DLG2: variants seen among roughly 807,000 people sequenced by gnomAD.
The protein encoded by DLG2 is disks large homolog 2.
DLG2 carries 45 observed loss-of-function variants against 132.5 expected under a neutral mutation model. The ratio of observed to expected loss-of-function variants is 0.34; its 90% CI spans 0.27 to 0.44. The LOEUF is 0.44. Ranked by LOEUF, DLG2 falls within the 20% of genes least tolerant of loss-of-function variation. The pLI, the probability that DLG2 is intolerant of heterozygous loss-of-function variation, is 1.00. For missense variants in DLG2, 1,045 were observed against 1,196.9 expected (o/e 0.87, Z 1.87); for synonymous variants, 424 against 419.6 (o/e 1.01, Z -0.13).
intron 4 of DLG2, among the ~76,000 whole-genome samples, chr11:85,229,378 CAT>C (rs1202702086): frequency 3.3e-5 from 5 of 151,982 alleles, no homozygotes; most frequent in African/African-American, 7.2e-5. Context: ...GGCCAACAAA[CAT>C]ATGAAAAAAA....
At chr11:84,634,377 T>A (rs1202190790) in intron 6 of DLG2, among the ~76,000 whole-genome samples, 2 of 152,210 alleles carry the variant, frequency 1.3e-5, no homozygotes, top group Admixed American at 6.5e-5. Context: ...TTTAAGTTCA[T>A]GCTAAAGATT....
rs138336303 is a variant in DLG2 at position 84,383,513 on chromosome 11, A to G, written c.520-132222T>C. Reference sequence around the variant, plus strand: ...CATGCCCATGATTACCTTACATTATATAAGACACACTTCTTAGAAGATTGG... The same window carrying G: ...CATGCCCATGATTACCTTACATTATGTAAGACACACTTCTTAGAAGATTGG... On this transcript the variant is annotated intron_variant, in intron 7 of 27. Coordinates refer to ENST00000376104, the MANE Select transcript of DLG2 (RefSeq NM_001142699.3). 2.1e-3 allele frequency among the ~76,000 whole-genome samples: 314 copies of G among 152,210 alleles called. 1 individual carries two copies. Among genetic ancestry groups the G allele is most frequent in the African/African-American group, 7.3e-3 (302 of 41,552 alleles).
chr11:84,357,540 G>A (rs2098623549), intron 7 of DLG2, among the ~76,000 whole-genome samples: 1 of 152,006 alleles, frequency 6.6e-6, no homozygotes. Flanking sequence ...GGCAGTGCTT[G>A]TGTCCCCAAG....
chr11:83,658,150 A>T (rs1470319143), intron 18 of DLG2, among the ~76,000 whole-genome samples: 5 of 152,188 alleles, frequency 3.3e-5, no homozygotes, highest in Non-Finnish European at 7.4e-5. Context: ...CAGCCTCATA[A>T]TGTTCCCTGA....
At chr11:84,914,049 T>C (rs1369383774) in intron 6 of DLG2, among the ~76,000 whole-genome samples, 2 of 152,204 alleles carry the variant, frequency 1.3e-5, no homozygotes, top group Non-Finnish European at 2.9e-5. Flanking sequence ...AATTAGACAC[T>C]TTTAAAATAA....
intron 7 of DLG2, among the ~76,000 whole-genome samples, chr11:84,442,971 T>C (rs986483002): frequency 6.6e-6 from 1 of 152,164 alleles, no homozygotes; most frequent in Admixed American, 6.5e-5. Context: ...TATATCACAG[T>C]CAATGCTACA....
intron 15 of DLG2, among the ~76,000 whole-genome samples, chr11:83,884,227 G>A (rs2067129867): frequency 6.6e-6 from 1 of 152,194 alleles, no homozygotes; most frequent in African/African-American, 2.4e-5. Context: ...GGAAAATCGG[G>A]TCACTCCCAC....
At chr11:85,146,727 T>C (rs2076886903) in intron 5 of DLG2, among the ~76,000 whole-genome samples, 1 of 152,160 alleles carries the variant, frequency 6.6e-6, no homozygotes, top group African/African-American at 2.4e-5. Context: ...GTGTGACAAC[T>C]AGTGTCTCAC....
At chr11:85,299,145 T>C (rs1206850942) in intron 3 of DLG2, among the ~76,000 whole-genome samples, 1 of 152,160 alleles carries the variant, frequency 6.6e-6, no homozygotes, top group African/African-American at 2.4e-5. Flanking sequence ...ATGTACATTA[T>C]CTCATTTACT....
chr11:83,931,796 C>A (rs1346173425), intron 14 of DLG2, among the ~76,000 whole-genome samples: 1 of 152,020 alleles, frequency 6.6e-6, no homozygotes, highest in Non-Finnish European at 1.5e-5. Context: ...GGCTTTAATA[C>A]CTCGGATTTT....
intron 16 of DLG2, among the ~76,000 whole-genome samples, chr11:83,854,513 A>G (rs1225834671): frequency 1.3e-5 from 2 of 152,280 alleles, no homozygotes; most frequent in Non-Finnish European, 2.9e-5. Context: ...GGAGACAAAC[A>G]TGGTGCTAGA....
At chr11:83,958,666 G>T (rs879850040) in intron 14 of DLG2, among the ~76,000 whole-genome samples, 3 of 152,090 alleles carry the variant, frequency 2.0e-5, no homozygotes, top group Non-Finnish European at 4.4e-5. Context: ...CAGCCAGATA[G>T]TGATGATGTG....
chr11:85,106,193 G>A (rs1028517684), intron 6 of DLG2, among the ~76,000 whole-genome samples: 1 of 151,936 alleles, frequency 6.6e-6, no homozygotes. Context: ...CCATAAAAGA[G>A]AGAAATTACT....
At chr11:84,709,812 G>A (rs1317015864) in intron 6 of DLG2, among the ~76,000 whole-genome samples, 1 of 151,916 alleles carries the variant, frequency 6.6e-6, no homozygotes, top group Non-Finnish European at 1.5e-5. Flanking sequence ...CTCAAGAAGT[G>A]TTGGACCATA....
chr11:84,981,452 T>A (rs2055726608), intron 6 of DLG2, among the ~76,000 whole-genome samples: 1 of 152,146 alleles, frequency 6.6e-6, no homozygotes, highest in African/African-American at 2.4e-5. Context: ...TAACTGTGTA[T>A]GTCTGACAGC....
At chr11:83,525,206 T>G (rs1485222326) in intron 21 of DLG2, among the ~76,000 whole-genome samples, 1 of 152,182 alleles carries the variant, frequency 6.6e-6, no homozygotes, top group Non-Finnish European at 1.5e-5. Flanking sequence ...AGGACACACC[T>G]TAACATGTCT....
rs986312911 is a variant in DLG2 at position 83,484,178 on chromosome 11, T to C, written c.2244A>G (p.Pro748=). 6.2e-7 allele frequency: 1 copy of C among 1,613,324 alleles called. No homozygotes were observed. The highest frequency in any genetic ancestry group is 1.3e-5 in the African/African-American group (1 of 74,848). The change falls in exon 22 of 28, where the codon CCA becomes CCG. Residue 748 remains proline, a synonymous_variant. Transcript: ENST00000376104. ...CACTCTGCTCCTTGTTCTTGTAGAATGGGAATTTTCGTGAAAAGATGAAGC... is the reference window on the plus strand; with the variant it reads ...CACTCTGCTCCTTGTTCTTGTAGAACGGGAATTTTCGTGAAAAGATGAAGC... ...KKSFIFSRKF[P]FYKNKEQSEQ...
At chr11:84,959,099 C>T (rs974158307) in intron 6 of DLG2, among the ~76,000 whole-genome samples, 1 of 152,096 alleles carries the variant, frequency 6.6e-6, no homozygotes, top group Non-Finnish European at 1.5e-5. Flanking sequence ...TTATATATAG[C>T]CTGACTTTGC....
chr11:84,716,661 T>TCCCATAAATAGCCTTGTAGGTG (rs2061265280), intron 6 of DLG2, among the ~76,000 whole-genome samples: 2 of 150,454 alleles, frequency 1.3e-5, no homozygotes, highest in Non-Finnish European at 3.0e-5. Flanking sequence ...GCAAGCCCAT[T>TCCCATAAATAGCCTTGTAGGTG]CCCATAAATA....
Sources: allele counts gnomAD v4.1 joint callset (sites outside exome capture counted in the v4.1 genomes callset), GRCh38; gene constraint gnomAD v4.1.1; transcripts MANE v1.5; gene names NCBI Gene and HGNC (gene_info 2026-07-23, HGNC 2026-07-21).